Variants in WDR89 observed in about 807,000 individuals in gnomAD.
WDR89 encodes the protein WD repeat domain 89, also known as WD repeat-containing protein 89.
A neutral mutation model predicts 29.1 loss-of-function variants in WDR89; 17 were observed. The observed-to-expected ratio is 0.58, with a 90% CI of 0.40 to 0.88. WDR89 has a LOEUF of 0.88. Among genes scored for constraint, WDR89 ranks in the 40% least tolerant of loss-of-function variants. WDR89 has a pLI of 0.00. For synonymous variants in WDR89, 138 were observed against 157.8 expected, an observed-to-expected ratio of 0.87 and a Z score of 0.94; for missense variants, 396 against 456.3, an observed-to-expected ratio of 0.87 and a Z score of 1.20.
chr14:63,628,636 T>C (rs1883215082), intron 1 of WDR89, among the ~76,000 whole-genome samples: 1 of 152,106 alleles, frequency 6.6e-6, no homozygotes, highest in Non-Finnish European at 1.5e-5. Context: ...CCTAGCAATT[T>C]GATGTCAACC....
intron 2 of WDR89, among the ~76,000 whole-genome samples, chr14:63,603,262 C>CT (rs1895160735): frequency 6.6e-6 from 1 of 150,414 alleles, no homozygotes; most frequent in African/African-American, 2.5e-5. Context: ...CTTTCTCTCT[C>CT]TACACACACA....
chr14:63,624,609 T>C lies in WDR89; in HGVS notation c.-32+319A>G, dbSNP rs956626198. Among the ~76,000 whole-genome samples, 40 of 151,746 alleles carry C rather than the reference T, an allele frequency of 2.6e-4. 1 individual carries two copies. The highest frequency in any genetic ancestry group is 9.4e-4 in the African/African-American group (39 of 41,396). Reference sequence around the variant, plus strand: ...TATATCCAGAATATATAAAGAATTCTTGCAACCAAATTATAAGACAAATAA... The same window carrying C: ...TATATCCAGAATATATAAAGAATTCCTGCAACCAAATTATAAGACAAATAA... On this transcript the variant is annotated intron_variant, in intron 2 of 2. Coordinates refer to ENST00000620954, the MANE Select transcript of WDR89 (RefSeq NM_080666.4).
intron 2 of WDR89, among the ~76,000 whole-genome samples, chr14:63,622,192 T>C (rs1231217063): frequency 2.0e-5 from 3 of 152,264 alleles, no homozygotes; most frequent in East Asian, 3.9e-4. Context: ...CCCAGCACTT[T>C]GGAAGGCCGA....
At chr14:63,624,454 T>A (rs1222168422) in intron 2 of WDR89, among the ~76,000 whole-genome samples, 1 of 134,016 alleles carries the variant, frequency 7.5e-6, no homozygotes. Context: ...GGTCACAGAG[T>A]GAGACCCTGT....
chr14:63,639,496 A>T (rs1883959221), intron 1 of WDR89, among the ~76,000 whole-genome samples: 6 of 152,260 alleles, frequency 3.9e-5, no homozygotes, highest in African/African-American at 1.2e-4. Context: ...GTGTTATTCG[A>T]AGTCACTAAA....
intron 1 of WDR89, chr14:63,630,679 T>G (rs1173995837): frequency 6.7e-6 from 1 of 149,480 alleles, no homozygotes; most frequent in Non-Finnish European, 1.5e-5. Context: ...GGATACGGAG[T>G]GCTTGCTTTG....
chr14:63,605,236 ACACACACG>A, intron 2 of WDR89, among the ~76,000 whole-genome samples: 1 of 149,254 alleles, frequency 6.7e-6, no homozygotes, highest in African/African-American at 2.5e-5. Flanking sequence ...ACACACACAC[ACACACACG>A]AGCTGGGAAA....
chr14:63,627,428 T>C (rs931759203), intron 1 of WDR89, among the ~76,000 whole-genome samples: 3 of 152,154 alleles, frequency 2.0e-5, no homozygotes, highest in Non-Finnish European at 2.9e-5. Flanking sequence ...GTAGCTTTTA[T>C]AAAAAAATTA....
chr14:63,608,815 G>A (rs1244463695), intron 2 of WDR89, among the ~76,000 whole-genome samples: 3 of 152,090 alleles, frequency 2.0e-5, no homozygotes, highest in Non-Finnish European at 4.4e-5. Flanking sequence ...AAGACAGGTG[G>A]CTGGGTGCGG....
intron 1 of WDR89, among the ~76,000 whole-genome samples, chr14:63,628,323 G>A (rs772436920): frequency 7.2e-5 from 11 of 152,216 alleles, no homozygotes; most frequent in South Asian, 4.2e-4. Flanking sequence ...GAGAATTTTC[G>A]CTGACCAAAG....
intron 1 of WDR89, among the ~76,000 whole-genome samples, chr14:63,627,881 G>C: frequency 6.6e-6 from 1 of 152,252 alleles, no homozygotes; most frequent in East Asian, 1.9e-4. Context: ...GAGCCCAGGA[G>C]GTCGAGTAGA....
At chr14:63,605,428 G>A (rs1205572160) in intron 2 of WDR89, among the ~76,000 whole-genome samples, 2 of 151,806 alleles carry the variant, frequency 1.3e-5, no homozygotes, top group African/African-American at 4.8e-5. Context: ...ACTATGTTAC[G>A]GGTTTATGTT....
At chr14:63,607,452 C>T (rs964396334) in intron 2 of WDR89, among the ~76,000 whole-genome samples, 1 of 152,060 alleles carries the variant, frequency 6.6e-6, no homozygotes, top group African/African-American at 2.4e-5. Flanking sequence ...CATGATAAAA[C>T]TTTTTATTAT....
Position 63,599,836 on chromosome 14 carries a change from T to A in WDR89, c.107A>T (p.Gln36Leu). ...AGCAACCAAGTTTTCCTTTCCTGCT[T>A]GGACAGTCTTTGATGTGTCTATACC... ...LLGIDTSKTV[Q>L]AGKENLVAVL... is the part of the protein sequence containing the mutation. Residue 36 changes from glutamine to leucine, a missense_variant, in exon 3 of 3, where the codon CAA (glutamine) becomes CTA (leucine). Transcript: ENST00000620954. The A allele has an allele frequency of 6.2e-7, 1 of 1,614,168 alleles. No homozygotes were observed. Among genetic ancestry groups the A allele is most frequent in the Non-Finnish European group, 8.5e-7 (1 of 1,180,020 alleles).
chr14:63,622,744 G>A (rs1182674950), intron 2 of WDR89, among the ~76,000 whole-genome samples: 1 of 152,074 alleles, frequency 6.6e-6, no homozygotes, highest in Non-Finnish European at 1.5e-5. Flanking sequence ...TCCACCCTGG[G>A]CAACAGATCA....
chr14:63,637,240 A>AT (rs538859382), intron 1 of WDR89, among the ~76,000 whole-genome samples: 119 of 152,360 alleles, frequency 7.8e-4, no homozygotes, highest in African/African-American at 2.7e-3. Context: ...AAGAATGGCC[A>AT]TAAGTGAAGA....
At chr14:63,610,219 T>TAAAAAAAAA (rs56984803) in intron 2 of WDR89, among the ~76,000 whole-genome samples, 3 of 65,308 alleles carry the variant, frequency 4.6e-5, no homozygotes, top group African/African-American at 1.4e-4. Flanking sequence ...GACTCTGTCT[T>TAAAAAAAAA]AAAAAAAAAA....
At chr14:63,625,313 G>C (rs1163453118) in intron 1 of WDR89, among the ~76,000 whole-genome samples, 1 of 152,176 alleles carries the variant, frequency 6.6e-6, no homozygotes, top group African/African-American at 2.4e-5. Flanking sequence ...TGATTATTAA[G>C]GGGCACAAGG....
chr14:63,604,390 A>G (rs965567741), intron 2 of WDR89, among the ~76,000 whole-genome samples: 1 of 152,298 alleles, frequency 6.6e-6, no homozygotes, highest in Admixed American at 6.5e-5. Flanking sequence ...TCCAGCCAGG[A>G]CAACAGGGCA....
Sources: allele counts gnomAD v4.1 joint callset (sites outside exome capture counted in the v4.1 genomes callset), GRCh38; gene constraint gnomAD v4.1.1; transcripts MANE v1.5; gene names NCBI Gene and HGNC (gene_info 2026-07-23, HGNC 2026-07-21).